Variants in NRG1 observed in about 807,000 individuals in gnomAD.
NRG1 encodes the protein neuregulin 1.
In NRG1, 18 loss-of-function variants were observed where a neutral mutation model predicts 63.8. The ratio of observed to expected loss-of-function variants is 0.28; its 90% CI spans 0.19 to 0.42. NRG1 has a LOEUF of 0.42. NRG1 is among the 10% of genes least tolerant of loss of function. The pLI, the probability that NRG1 is intolerant of heterozygous loss-of-function variation, is 1.00. For missense variants in NRG1, 762 were observed against 814.7 expected, an observed-to-expected ratio of 0.94 and a Z score of 0.79; for synonymous variants, 302 against 301.3, an observed-to-expected ratio of 1.00 and a Z score of -0.02.
At position 31,894,546 on chromosome 8, in the gene NRG1, C is replaced by CTT. The variant is rs370312165; in HGVS notation, c.37+255120_37+255121dup. On this transcript the variant is annotated intron_variant, in intron 1 of 10. Transcript: ENST00000519301. ...GTGAAATCATAATTGCTATTTCTTT[C>CTT]TTTTTTCTTTTTTTTTTTTTTTGAG... is the stretch of plus-strand genomic sequence containing the variant. Among the ~76,000 whole-genome samples the CTT allele has an allele frequency of 6.3e-3, 619 of 97,958 alleles. 29 individuals are homozygous for CTT. Among genetic ancestry groups the CTT allele is most frequent in the African/African-American group, 0.015 (441 of 30,054 alleles). 64.3% of individuals were successfully genotyped at this position (97,958 alleles called of 152,430 possible). A position where few individuals can be genotyped will look rare whatever the true frequency, so the allele number is the denominator to read the frequency against.
intron 1 of NRG1, among the ~76,000 whole-genome samples, chr8:32,322,862 G>GCT (rs1554508001): frequency 6.8e-6 from 1 of 146,966 alleles, no homozygotes. Context: ...AATTCTCTGG[G>GCT]TTTTTTTTTT....
intron 1 of NRG1, among the ~76,000 whole-genome samples, chr8:32,305,770 T>G (rs1856124546): frequency 6.6e-6 from 1 of 152,232 alleles, no homozygotes; most frequent in Admixed American, 6.5e-5. Flanking sequence ...GATGTTACCT[T>G]AAGCCCATTT....
At chr8:31,951,453 A>T (rs964464312) in intron 1 of NRG1, among the ~76,000 whole-genome samples, 2 of 152,218 alleles carry the variant, frequency 1.3e-5, no homozygotes, top group Admixed American at 1.3e-4. Context: ...CTAGGGAAAA[A>T]AAAAGTCAAT....
chr8:32,692,925 G>A (rs1310749234), intron 5 of NRG1, among the ~76,000 whole-genome samples: 2 of 152,112 alleles, frequency 1.3e-5, no homozygotes, highest in African/African-American at 2.4e-5. Flanking sequence ...GTCCAGTTAG[G>A]TAGTTGAAAA....
intron 1 of NRG1, among the ~76,000 whole-genome samples, chr8:32,112,178 A>G (rs1832115674): frequency 6.6e-6 from 1 of 152,220 alleles, no homozygotes; most frequent in Non-Finnish European, 1.5e-5. Flanking sequence ...AAATATTCAG[A>G]TACAGAATTT....
At chr8:31,823,688 CTG>C (rs1824227594) in intron 1 of NRG1, among the ~76,000 whole-genome samples, 1 of 152,152 alleles carries the variant, frequency 6.6e-6, no homozygotes, top group Admixed American at 6.5e-5. Context: ...GCTTTGAAAA[CTG>C]TAGCATACTG....
intron 1 of NRG1, among the ~76,000 whole-genome samples, chr8:32,473,927 C>T (rs892206267): frequency 2.6e-5 from 4 of 152,126 alleles, no homozygotes; most frequent in Non-Finnish European, 4.4e-5. Flanking sequence ...TCAAGCAATC[C>T]TCCCACCTCA....
intron 1 of NRG1, among the ~76,000 whole-genome samples, chr8:31,650,421 A>C (rs1011732886): frequency 6.6e-6 from 1 of 152,142 alleles, no homozygotes; most frequent in Non-Finnish European, 1.5e-5. Context: ...TGAACACTTC[A>C]TCCACTCTGA....
At chr8:32,541,050 C>A (rs1832526987) in intron 1 of NRG1, among the ~76,000 whole-genome samples, 2 of 152,054 alleles carry the variant, frequency 1.3e-5, no homozygotes, top group African/African-American at 4.8e-5. Flanking sequence ...GACATAGATT[C>A]TTTTAACACA....
chr8:32,509,791 T>C (rs1046520608), intron 1 of NRG1, among the ~76,000 whole-genome samples: 4 of 152,194 alleles, frequency 2.6e-5, no homozygotes, highest in Non-Finnish European at 4.4e-5. Flanking sequence ...ACCTTCTCAG[T>C]AATTCATTAA....
exon 11 of NRG1, chr8:32,760,246 G>A (rs80255389): frequency 1.2e-6 from 2 of 1,614,082 alleles, no homozygotes; most frequent in Non-Finnish European, 1.7e-6. Flanking sequence ...AAGCCACTCT[G>A]TAATCGTGAT....
chr8:32,694,843 G>C (rs1210375951), intron 5 of NRG1, among the ~76,000 whole-genome samples: 2 of 152,146 alleles, frequency 1.3e-5, no homozygotes. Context: ...GAGAGAGTAA[G>C]TTATTTGCCT....
At chr8:32,591,396 G>A (rs1027925997) in intron 1 of NRG1, among the ~76,000 whole-genome samples, 12 of 152,078 alleles carry the variant, frequency 7.9e-5, no homozygotes, top group African/African-American at 2.7e-4. Context: ...CTTAAGAGGG[G>A]ATATTTTAGC....
At chr8:31,722,719 G>A (rs546165631) in intron 1 of NRG1, among the ~76,000 whole-genome samples, 1 of 152,106 alleles carries the variant, frequency 6.6e-6, no homozygotes, top group Non-Finnish European at 1.5e-5. Flanking sequence ...GACACATAGA[G>A]TAAAAGAGTT....
chr8:31,930,619 G>A (rs1196377682), intron 1 of NRG1, among the ~76,000 whole-genome samples: 1 of 152,112 alleles, frequency 6.6e-6, no homozygotes, highest in Non-Finnish European at 1.5e-5. Context: ...TGTTAGTTGA[G>A]GGGAAAAGGT....
Position 32,587,017 on chromosome 8 carries a change from G to A in NRG1, c.101-8811G>A, listed in dbSNP as rs542526466. ...GGATTGCTTGAAGTGTTTGAGACCA[G>A]CCTGGGCAACATGAATCTCTGTATA... On this transcript the variant is annotated intron_variant, in intron 1 of 11. Coordinates refer to ENST00000356819, the Ensembl canonical transcript of NRG1. Among the ~76,000 whole-genome samples the A allele has an allele frequency of 9.2e-5, 14 of 152,218 alleles. No individual in the cohort carries two copies. The South Asian group carries it at 2.7e-3, about 29-fold the overall frequency.
At chr8:31,868,071 G>T (rs1450540344) in intron 1 of NRG1, among the ~76,000 whole-genome samples, 1 of 151,362 alleles carries the variant, frequency 6.6e-6, no homozygotes, top group African/African-American at 2.4e-5. Flanking sequence ...TTTCTAGAAT[G>T]TCAGCCAAAC....
At chr8:32,242,015 A>G (rs1291560470) in intron 1 of NRG1, among the ~76,000 whole-genome samples, 1 of 152,106 alleles carries the variant, frequency 6.6e-6, no homozygotes, top group Non-Finnish European at 1.5e-5. Flanking sequence ...GTCCTCCTAG[A>G]GTGTTGGGAT....
intron 1 of NRG1, among the ~76,000 whole-genome samples, chr8:31,943,241 G>T (rs1272300418): frequency 6.6e-6 from 1 of 152,144 alleles, no homozygotes; most frequent in Non-Finnish European, 1.5e-5. Context: ...TAGCAACCTG[G>T]ATGGAATTGG....
Sources: allele counts gnomAD v4.1 joint callset (sites outside exome capture counted in the v4.1 genomes callset), GRCh38; gene constraint gnomAD v4.1.1; transcripts MANE v1.5; gene names NCBI Gene and HGNC (gene_info 2026-07-23, HGNC 2026-07-21).